Variants in DSCAM observed in about 807,000 individuals in gnomAD.
DSCAM encodes the protein DS cell adhesion molecule.
Under a neutral mutation model 217.7 loss-of-function variants are expected in DSCAM, and 47 were observed. The observed-to-expected ratio is 0.22, with a 90% CI of 0.17 to 0.28. The LOEUF is 0.28. DSCAM is among the 10% of genes least tolerant of loss of function. DSCAM has a pLI of 1.00. For synonymous variants in DSCAM, 1,056 were observed against 1,015.3 expected, an observed-to-expected ratio of 1.04 and a Z score of -0.76; for missense variants, 2,080 against 2,618.3, an observed-to-expected ratio of 0.79 and a Z score of 4.49.
chr21:40,520,980 G>A (rs1034907016), intron 3 of DSCAM, among the ~76,000 whole-genome samples: 1 of 152,074 alleles, frequency 6.6e-6, no homozygotes, highest in African/African-American at 2.4e-5. Context: ...ATTATGTATT[G>A]CTAAAAATTT....
At chr21:40,601,717 T>C (rs2077063215) in intron 3 of DSCAM, among the ~76,000 whole-genome samples, 1 of 152,210 alleles carries the variant, frequency 6.6e-6, no homozygotes, top group Non-Finnish European at 1.5e-5. Context: ...ATTTTTATCA[T>C]AAATAAGTGC....
intron 1 of DSCAM, among the ~76,000 whole-genome samples, chr21:40,843,596 A>G (rs2092120325): frequency 6.6e-6 from 1 of 152,148 alleles, no homozygotes; most frequent in Non-Finnish European, 1.5e-5. Flanking sequence ...TGCTGAGAAG[A>G]CACCGAGGGA....
intron 8 of DSCAM, among the ~76,000 whole-genome samples, chr21:40,336,121 C>T (rs78405425): frequency 0.064 from 9,783 of 152,158 alleles, 604 homozygotes; most frequent in African/African-American, 0.16. Flanking sequence ...ACAGTGTTTC[C>T]TCCACCTCCT....
At chr21:40,629,076 G>GGT (rs57351838) in intron 3 of DSCAM, among the ~76,000 whole-genome samples, 1,632 of 144,284 alleles carry the variant, frequency 0.011, 16 homozygotes, top group Middle Eastern at 0.026. Context: ...GTGTGTGTGT[G>GGT]GTGTGTGTGT....
chr21:40,039,309 CAA>C (rs200149289), intron 32 of DSCAM, among the ~76,000 whole-genome samples: 10 of 133,496 alleles, frequency 7.5e-5, no homozygotes, highest in African/African-American at 9.7e-5. Flanking sequence ...AAATAAAAAT[CAA>C]AAAAAAAAAG....
At chr21:40,454,308 GCT>G (rs2075745930) in intron 3 of DSCAM, among the ~76,000 whole-genome samples, 1 of 152,128 alleles carries the variant, frequency 6.6e-6, no homozygotes, top group Non-Finnish European at 1.5e-5. Flanking sequence ...CATAACATGT[GCT>G]CTGAGTTTCT....
At chr21:40,416,016 T>C (rs1351813767) in intron 3 of DSCAM, among the ~76,000 whole-genome samples, 1 of 152,244 alleles carries the variant, frequency 6.6e-6, no homozygotes, top group Non-Finnish European at 1.5e-5. Context: ...AAGAGGTTAT[T>C]TGCAATCTAG....
chr21:40,772,534 C>T (rs1378702156), intron 1 of DSCAM, among the ~76,000 whole-genome samples: 1 of 152,222 alleles, frequency 6.6e-6, no homozygotes, highest in Non-Finnish European at 1.5e-5. Context: ...GTGTCCTATA[C>T]CTCCTGCTGC....
At chr21:40,750,202 A>G (rs1169521609) in intron 1 of DSCAM, among the ~76,000 whole-genome samples, 2 of 151,862 alleles carry the variant, frequency 1.3e-5, no homozygotes. Flanking sequence ...TGCTGGGATT[A>G]CAGGCATGAG....
rs1342538035 is a variant in DSCAM at position 40,637,234 on chromosome 21, T to A, written c.508+55576A>T. Reference sequence around the variant, plus strand: ...ATATATAAATATAAATATATATATATAAATATAAATATATATATAAATATA... The same window carrying A: ...ATATATAAATATAAATATATATATAAAAATATAAATATATATATAAATATA... On this transcript the variant is annotated intron_variant, in intron 3 of 32. Coordinates refer to ENST00000400454, the MANE Select transcript of DSCAM (RefSeq NM_001389.5). Among the ~76,000 whole-genome samples, 32 of 4,938 alleles carry A rather than the reference T, an allele frequency of 6.5e-3. 3 individuals carry two copies. The highest frequency in any genetic ancestry group is 0.029 in the African/African-American group (12 of 410). 3.2% of individuals were successfully genotyped at this position (4,938 alleles called of 152,430 possible).
chr21:40,049,293 T>C (rs549344604), intron 30 of DSCAM, among the ~76,000 whole-genome samples: 1 of 152,140 alleles, frequency 6.6e-6, no homozygotes, highest in Admixed American at 6.5e-5. Context: ...TCTCACCTTT[T>C]CCCTGCCTTT....
At chr21:40,501,736 C>A (rs2076171514) in intron 3 of DSCAM, among the ~76,000 whole-genome samples, 2 of 152,180 alleles carry the variant, frequency 1.3e-5, no homozygotes. Context: ...AGATTACAGG[C>A]ATGCACCACC....
At chr21:40,199,989 CA>C (rs1306406616) in intron 11 of DSCAM, among the ~76,000 whole-genome samples, 3 of 148,714 alleles carry the variant, frequency 2.0e-5, no homozygotes, top group African/African-American at 7.4e-5. Context: ...TTCCCAGTCA[CA>C]GCGAATACTT....
intron 3 of DSCAM, 137 bp from the exon 4 acceptor site, chr21:40,369,382 C>CTGAGTG: frequency 4.7e-5 from 24 of 508,694 alleles, no homozygotes; most frequent in Admixed American, 1.3e-4. Flanking sequence ...GTGCGTGCGT[C>CTGAGTG]TGCGTGTGTG....
chr21:40,246,309 A>C (rs2146951581), intron 11 of DSCAM, among the ~76,000 whole-genome samples: 1 of 146,884 alleles, frequency 6.8e-6, no homozygotes, highest in South Asian at 2.2e-4. Flanking sequence ...ATGAGGTCAA[A>C]AGTTCAAGAC....
At chr21:40,454,460 T>TA (rs1357135303) in intron 3 of DSCAM, among the ~76,000 whole-genome samples, 2 of 152,258 alleles carry the variant, frequency 1.3e-5, no homozygotes, top group Middle Eastern at 3.4e-3. Context: ...TTTCCCACTT[T>TA]AAAAAATGTA....
At chr21:40,272,161 T>C (rs2073626587) in intron 11 of DSCAM, among the ~76,000 whole-genome samples, 1 of 152,112 alleles carries the variant, frequency 6.6e-6, no homozygotes, top group Non-Finnish European at 1.5e-5. Flanking sequence ...GCATAGCTTC[T>C]GTAGCCCCCG....
chr21:40,533,957 A>T (rs1023993786), intron 3 of DSCAM, among the ~76,000 whole-genome samples: 1 of 152,172 alleles, frequency 6.6e-6, no homozygotes, highest in Non-Finnish European at 1.5e-5. Flanking sequence ...CTAATACCTG[A>T]TGTGCTGCAA....
At chr21:40,259,289 T>C (rs1448948201) in intron 11 of DSCAM, among the ~76,000 whole-genome samples, 1 of 151,924 alleles carries the variant, frequency 6.6e-6, no homozygotes, top group African/African-American at 2.4e-5. Context: ...TTTTTTTTTT[T>C]ACCCCAGCAG....
Sources: gnomAD v4.1 joint callset for allele counts (sites outside exome capture counted in the v4.1 genomes callset) on GRCh38, gnomAD v4.1.1 for gene constraint, MANE v1.5 for transcripts, NCBI Gene and HGNC (gene_info 2026-07-23, HGNC 2026-07-21) for gene names.